The following PLCXD1 variants were observed in gnomAD, a reference collection of about 807,000 sequenced individuals.
PLCXD1 encodes PI-PLC X domain-containing protein 1.
A neutral mutation model predicts 37.8 loss-of-function variants in PLCXD1; 45 were observed. The ratio of observed to expected loss-of-function variants is 1.19; its 90% CI spans 0.94 to 1.53. PLCXD1 has a LOEUF of 1.53. Among genes scored for constraint, PLCXD1 ranks in the 40% most tolerant of loss-of-function variants. PLCXD1 has a pLI of 0.00. For missense variants in PLCXD1, 539 were observed against 454.7 expected, an observed-to-expected ratio of 1.19 and a Z score of -1.69; for synonymous variants, 246 against 206.9, an observed-to-expected ratio of 1.19 and a Z score of -1.62.
chrX:301,447 A>ATTGT lies in PLCXD1; in HGVS notation c.*2114_*2115insGTTT, dbSNP rs374829695. 62,188 of 151,320 alleles carry ATTGT rather than the reference A, an allele frequency of 0.41. 13,812 individuals carry two copies. The highest frequency in any genetic ancestry group is 0.57 in the African/African-American group (23,421 of 41,130). The allele number at this position is 151,320 out of a possible 1,614,324, so 9.4% of individuals were successfully genotyped here. A position where few individuals can be genotyped will look rare whatever the true frequency, so the allele number is the denominator to read the frequency against. On this transcript the variant is annotated 3_prime_UTR_variant, in exon 7 of 7. Coordinates refer to ENST00000381657, the MANE Select transcript of PLCXD1 (RefSeq NM_018390.4). ...GTGTCAGCCACCACACCCACAGCTA[A>ATTGT]TTTTTTTTGTAGAGATGGGGTCTGG... is the stretch of plus-strand genomic sequence containing the variant.
At chrX:286,512 G>C (rs1183670264) in intron 2 of PLCXD1, among the ~76,000 whole-genome samples, 8 of 152,106 alleles carry the variant, frequency 5.3e-5, no homozygotes, top group Non-Finnish European at 1.0e-4. Flanking sequence ...TTGGCCGGGA[G>C]CTTCGGCAGA....
rs749091978 is a variant in PLCXD1 at position 299,366 on chromosome X, G to A, written c.*31G>A. On this transcript the variant is annotated 3_prime_UTR_variant, in exon 7 of 7. Coordinates refer to ENST00000381657, the MANE Select transcript of PLCXD1 (RefSeq NM_018390.4). ...CCCTTCTGAAGTTCGGGACGCGGCGGCTGCAGTTTCACCCCCGAATTTCCA... is the reference window on the plus strand; with the variant it reads ...CCCTTCTGAAGTTCGGGACGCGGCGACTGCAGTTTCACCCCCGAATTTCCA... 4 of 1,503,530 alleles carry A rather than the reference G, an allele frequency of 2.7e-6. No homozygotes were observed. Among genetic ancestry groups the A allele is most frequent in the Non-Finnish European group, 3.7e-6 (4 of 1,079,854 alleles). The allele number at this position is 1,503,530 out of a possible 1,614,324, so 93.1% of individuals were successfully genotyped here.
At chrX:299,009 T>C in intron 6 of PLCXD1, 88 bp from the exon 7 acceptor site, 1 of 992,198 alleles carries the variant, frequency 1.0e-6, no homozygotes, top group Non-Finnish European at 1.6e-6. Context: ...ATTCCTGAGA[T>C]GCGAACCTCT....
Position 300,436 on chromosome X carries a change from ATGTATG to A in PLCXD1, c.*1103_*1108del, listed in dbSNP as rs1480530257. 3 of 86,470 alleles carry A rather than the reference ATGTATG, an allele frequency of 3.5e-5. No individual in the cohort carries two copies. Among genetic ancestry groups the A allele is most frequent in the African/African-American group, 1.2e-4 (3 of 24,108 alleles). 5.4% of individuals were successfully genotyped at this position (86,470 alleles called of 1,614,324 possible). The stretch of plus-strand genomic sequence containing the variant: ...TATGTGTATATATCGGTGTGTATAT[ATGTATG>A]TATGTTTATACATGTGTATATGTGT... On this transcript the variant is annotated 3_prime_UTR_variant, in exon 7 of 7. Coordinates refer to ENST00000381657, the MANE Select transcript of PLCXD1 (RefSeq NM_018390.4).
chrX:295,693 T>A, intron 6 of PLCXD1, among the ~76,000 whole-genome samples: 1 of 151,138 alleles, frequency 6.6e-6, no homozygotes, highest in East Asian at 2.0e-4. Flanking sequence ...CCCGGCTAAT[T>A]TTTTTTTGTA....
intron 6 of PLCXD1, among the ~76,000 whole-genome samples, chrX:295,095 G>T (rs762949939): frequency 6.6e-6 from 1 of 151,430 alleles, no homozygotes; most frequent in East Asian, 2.0e-4. Flanking sequence ...GCTTGAACCC[G>T]GGGGCGGAGG....
intron 3 of PLCXD1, among the ~76,000 whole-genome samples, chrX:289,823 T>C (rs2069573098): frequency 6.6e-6 from 1 of 152,018 alleles, no homozygotes; most frequent in Admixed American, 6.6e-5. Flanking sequence ...GACAACCCCT[T>C]TCATGCCTGC....
chrX:291,394 C>T (rs773130634), intron 4 of PLCXD1, 105 bp from the exon 5 acceptor site: 1 of 1,290,634 alleles, frequency 7.7e-7, no homozygotes, highest in African/African-American at 1.4e-5. Context: ...GATCCACCCG[C>T]CTCGGCCTCC....
chrX:294,952 G>C (rs1602899994), intron 6 of PLCXD1, among the ~76,000 whole-genome samples: 1 of 152,148 alleles, frequency 6.6e-6, no homozygotes, highest in Non-Finnish European at 1.5e-5. Flanking sequence ...GAGGCAGGTG[G>C]ATTAATTGAG....
Position 301,908 on chromosome X carries a change from G to A in PLCXD1, c.*2573G>A, listed in dbSNP as rs28416686. On this transcript the variant is annotated 3_prime_UTR_variant, in exon 7 of 7. Transcript: ENST00000381657. ...CCCAAAGTGCTGGGATCACAGGCGT[G>A]AGCCACCGCACCTGGCCTCAAGCCA... 0.096 allele frequency: 14,631 copies of A among 152,322 alleles called. 1,766 individuals are homozygous for A. The highest frequency in any genetic ancestry group is 0.28 in the African/African-American group (11,729 of 41,482). 9.4% of individuals were successfully genotyped at this position (152,322 alleles called of 1,614,324 possible).
At chrX:280,195 C>T (rs1389722743), upstream of PLCXD1, among the ~76,000 whole-genome samples, 1 of 152,090 alleles carries the variant, frequency 6.6e-6, no homozygotes, top group Non-Finnish European at 1.5e-5. Context: ...CCCGCGGCCC[C>T]GGGACCCTGG....
rs1344941949 is a variant in PLCXD1, at chrX:293,144, A to G, written c.659A>G (p.Tyr220Cys). 4.3e-6 allele frequency: 7 copies of G among 1,611,348 alleles called. No homozygotes were observed. Among genetic ancestry groups the G allele is most frequent in the South Asian group, 3.3e-5 (3 of 91,000 alleles). ...RHHELWPGVP[Y>C]WWGNRVKTEA... is the part of the protein sequence containing the mutation. ...CACGAGCTGTGGCCAGGAGTCCCCTACTGGTGGGGAAACAGGGTGAAGACC... is the reference window on the plus strand; with the variant it reads ...CACGAGCTGTGGCCAGGAGTCCCCTGCTGGTGGGGAAACAGGGTGAAGACC... The change falls in exon 6 of 7, where the codon TAC becomes TGC. Residue 220 changes from tyrosine to cysteine, a missense_variant. By Grantham distance (194) the Tyr-to-Cys change is radical (BLOSUM62 -2). Transcript: ENST00000381657.
chrX:287,272 A>G (rs2069475362), intron 2 of PLCXD1, among the ~76,000 whole-genome samples: 2 of 146,578 alleles, frequency 1.4e-5, no homozygotes, highest in Non-Finnish European at 3.0e-5. Context: ...AATATAAAAT[A>G]TATATCATAT....
intron 3 of PLCXD1, among the ~76,000 whole-genome samples, chrX:289,803 G>A (rs6603168): frequency 0.22 from 32,863 of 151,706 alleles, 3,698 homozygotes; most frequent in South Asian, 0.24. Context: ...CAGCCACCGC[G>A]CCCGGCCGAG....
intron 1 of PLCXD1, among the ~76,000 whole-genome samples, chrX:282,042 C>T (rs60177123): frequency 0.1 from 15,720 of 152,136 alleles, 1,162 homozygotes; most frequent in African/African-American, 0.21. Flanking sequence ...GCCACCGTGC[C>T]CGGCCCCTCC....
At chrX:282,949 A>ATATGTATATATTATATGTATAATATATAT (rs2069318609) in intron 1 of PLCXD1, among the ~76,000 whole-genome samples, 3 of 103,860 alleles carry the variant, frequency 2.9e-5, no homozygotes, top group African/African-American at 8.9e-5. Flanking sequence ...TATATATTAT[A>ATATGTATATATTATATGTATAATATATAT]TATATATTAT....
intron 5 of PLCXD1, among the ~76,000 whole-genome samples, chrX:292,171 G>A (rs1432369773): frequency 2.0e-5 from 3 of 149,958 alleles, no homozygotes; most frequent in Non-Finnish European, 4.4e-5. Flanking sequence ...GTGGCGGTGG[G>A]TGTGCCGGAC....
upstream of PLCXD1, among the ~76,000 whole-genome samples, chrX:279,278 C>A (rs1359619180): frequency 6.6e-6 from 1 of 152,010 alleles, no homozygotes; most frequent in East Asian, 1.9e-4. Flanking sequence ...TGTGGTTTTT[C>A]CTTGGCTGCT....
upstream of PLCXD1, among the ~76,000 whole-genome samples, chrX:278,383 C>A (rs2069195922): frequency 6.6e-6 from 1 of 152,068 alleles, no homozygotes; most frequent in Admixed American, 6.5e-5. Context: ...CTAGGAGACA[C>A]TGATTTCCTC....
Sources: allele counts gnomAD v4.1 joint callset (sites outside exome capture counted in the v4.1 genomes callset), GRCh38; gene constraint gnomAD v4.1.1; transcripts MANE v1.5; gene names NCBI Gene and HGNC (gene_info 2026-07-23, HGNC 2026-07-21).